Variants in POM121C observed in about 807,000 individuals in gnomAD.
POM121C encodes the protein POM121 transmembrane nucleoporin C.
In POM121C, 20 loss-of-function variants were observed where a neutral mutation model predicts 66.4. The observed-to-expected ratio is 0.30, with a 90% CI of 0.21 to 0.44. The LOEUF (loss-of-function observed/expected upper bound fraction) is 0.44, where lower values mean the gene tolerates loss of function less well. Among genes scored for constraint, POM121C ranks in the 20% least tolerant of loss-of-function variants. The pLI is 1.00. For missense variants in POM121C, 580 were observed against 1,225.7 expected (o/e 0.47, Z 7.87); for synonymous variants, 286 against 528.0 (o/e 0.54, Z 6.28).
intron 13 of POM121C, chr7:75,420,555 T>C (rs1322170481): frequency 3.3e-5 from 5 of 152,168 alleles, no homozygotes; most frequent in Non-Finnish European, 5.9e-5. Context: ...GATCACACTT[T>C]TTAATATGAT....
At position 75,438,088 on chromosome 7, in the gene POM121C, A is replaced by T. The variant is rs587606473; in HGVS notation, c.309-402T>A. Among the ~76,000 whole-genome samples the T allele has an allele frequency of 3.9e-5, 6 of 152,268 alleles. No homozygotes were observed. In the East Asian group the frequency reaches 1.2e-3, roughly 29 times the overall value. Reference sequence around the variant, plus strand: ...TCACATGCTTTAAACAAGTACAGTTATGTCAATTATACCTCAACAAAGCTG... The same window carrying T: ...TCACATGCTTTAAACAAGTACAGTTTTGTCAATTATACCTCAACAAAGCTG... On this transcript the variant is annotated intron_variant, in intron 6 of 14. Coordinates refer to ENST00000615331, the MANE Select transcript of POM121C (RefSeq NM_001099415.3).
At chr7:75,456,224 G>C (rs1264350011) in intron 3 of POM121C, among the ~76,000 whole-genome samples, 10 of 152,282 alleles carry the variant, frequency 6.6e-5, no homozygotes, top group Admixed American at 3.3e-4. Context: ...GGGTGACAGA[G>C]TACAACCCTG....
chr7:75,479,231 T>C (rs1348933711), intron 1 of POM121C, among the ~76,000 whole-genome samples: 4 of 152,162 alleles, frequency 2.6e-5, no homozygotes, highest in African/African-American at 9.7e-5. Flanking sequence ...AGAAGTAAAA[T>C]GACAGCAAAT....
At chr7:75,473,754 TCTCGGCTCAC>T (rs1382259683) in intron 3 of POM121C, among the ~76,000 whole-genome samples, 1 of 151,662 alleles carries the variant, frequency 6.6e-6, no homozygotes. Context: ...AGTGGCGGGA[TCTCGGCTCAC>T]TGCAAGCTCC....
intron 5 of POM121C, 117 bp downstream of exon 5, chr7:75,440,837 A>C (rs1369464455): frequency 8.5e-6 from 13 of 1,532,864 alleles, no homozygotes; most frequent in Non-Finnish European, 9.8e-6. Context: ...CCAAAGAAGG[A>C]GGCCTATGAA....
intron 3 of POM121C, among the ~76,000 whole-genome samples, chr7:75,468,184 A>G (rs1791743962): frequency 6.6e-6 from 1 of 151,388 alleles, no homozygotes. Flanking sequence ...GCAGAAACAC[A>G]AAATAAAACT....
At chr7:75,436,300 A>T (rs1393359052) in intron 7 of POM121C, among the ~76,000 whole-genome samples, 7 of 152,190 alleles carry the variant, frequency 4.6e-5, no homozygotes, top group Non-Finnish European at 1.0e-4. Context: ...CTTTTTGAAG[A>T]AACAACCAAC....
At position 75,438,018 on chromosome 7, in the gene POM121C, A is replaced by T. The variant is rs587671248; in HGVS notation, c.309-332T>A. Reference sequence around the variant, plus strand: ...CTTTTGGAGGTCATGGATGTTCATTATCTTAGTGGTGGGATGGTTCCACAG... The same window carrying T: ...CTTTTGGAGGTCATGGATGTTCATTTTCTTAGTGGTGGGATGGTTCCACAG... On this transcript the variant is annotated intron_variant, in intron 6 of 14. Transcript: ENST00000615331. 3.3e-5 allele frequency among the ~76,000 whole-genome samples: 5 copies of T among 152,302 alleles called. No individual in the cohort carries two copies. In the South Asian group the frequency reaches 1.0e-3, roughly 32 times the overall value.
At position 75,424,062 on chromosome 7, in the gene POM121C, C is replaced by T; in HGVS notation, c.1035G>A (p.Leu345=). The T allele has an allele frequency of 6.2e-7, 1 of 1,611,528 alleles. No individual in the cohort carries two copies. Among genetic ancestry groups the T allele is most frequent in the Non-Finnish European group, 8.5e-7 (1 of 1,179,612 alleles). ...SLKKMQTPPS[L]PPCPESAGAA... is the part of the protein sequence containing the mutation. ...ACTCCAGCTCACCTGGGCAGGGTGGCAGGCTCGGGGGAGTCTGCATCTTCT... is the reference window on the plus strand; with the variant it reads ...ACTCCAGCTCACCTGGGCAGGGTGGTAGGCTCGGGGGAGTCTGCATCTTCT... The change falls in exon 12 of 15, where the codon CTG becomes CTA. Residue 345 remains leucine (L), a synonymous_variant. Coordinates refer to ENST00000615331, the MANE Select transcript of POM121C (RefSeq NM_001099415.3).
intron 10 of POM121C, 113 bp from the exon 11 acceptor site, chr7:75,424,741 T>G: frequency 6.9e-7 from 1 of 1,444,548 alleles, no homozygotes; most frequent in East Asian, 2.3e-5. Context: ...GCTGGATCAC[T>G]TGAGGTCAGG....
chr7:75,430,808 G>A (rs1460360185), intron 7 of POM121C, among the ~76,000 whole-genome samples: 1 of 152,066 alleles, frequency 6.6e-6, no homozygotes, highest in Non-Finnish European at 1.5e-5. Context: ...CAGGCGCGGT[G>A]GCTCATGCCT....
chr7:75,424,775 A>G (rs1789869343), intron 10 of POM121C, 147 bp from the exon 11 acceptor site: 3 of 1,286,354 alleles, frequency 2.3e-6, no homozygotes, highest in African/African-American at 1.5e-5. Context: ...CCTGGCCAAC[A>G]TGGTGAAACC....
intron 3 of POM121C, among the ~76,000 whole-genome samples, chr7:75,456,231 C>T (rs1263408858): frequency 1.3e-5 from 2 of 152,146 alleles, no homozygotes; most frequent in African/African-American, 4.8e-5. Flanking sequence ...AGAGTACAAC[C>T]CTGCTCTTAA....
At chr7:75,464,490 TTGGGAGGCTGAGG>T (rs1791551460) in intron 3 of POM121C, among the ~76,000 whole-genome samples, 1 of 149,508 alleles carries the variant, frequency 6.7e-6, no homozygotes, top group African/African-American at 2.4e-5. Context: ...TCCCAGCCAC[TTGGGAGGCTGAGG>T]TGGGAGAATT....
rs1554473459 is a variant in POM121C, at chr7:75,439,148, G to T, written c.304C>A (p.Pro102Thr). 1.9e-6 allele frequency: 3 copies of T among 1,614,048 alleles called. No homozygotes were observed. Among genetic ancestry groups the T allele is most frequent in the Non-Finnish European group, 2.5e-6 (3 of 1,180,030 alleles). The change falls in exon 6 of 15, where the codon CCT becomes ACT. Residue 102 changes from proline to threonine, a missense_variant. By Grantham distance (38) the Pro-to-Thr change is conservative. Transcript: ENST00000615331. ...VASGVPASFV[P>T]KPGSLKRGLN... The stretch of plus-strand genomic sequence containing the variant: ...TCTGGATGGACTCGCACTTACTTAG[G>T]CACAAAAGAAGCGGGGACTCCACTG...
Position 75,439,933 on chromosome 7 carries a change from T to G in POM121C, c.228-709A>C, listed in dbSNP as rs1330568448. On this transcript the variant is annotated intron_variant, in intron 5 of 14. Transcript: ENST00000615331. ...TCTCGCTCTGTCACCCAGGCTAGAG[T>G]GCACTGGCATGGTCTCGGCTCGCTG... 1.0e-4 allele frequency among the ~76,000 whole-genome samples: 15 copies of G among 147,836 alleles called. 1 individual carries two copies. The East Asian group carries it at 3.1e-3, about 30-fold the overall frequency.
intron 3 of POM121C, among the ~76,000 whole-genome samples, chr7:75,449,423 G>A (rs1270095023): frequency 6.6e-6 from 1 of 150,410 alleles, no homozygotes; most frequent in African/African-American, 2.5e-5. Context: ...GGAGTGCAGT[G>A]GCACAATCTC....
At chr7:75,430,420 A>G (rs1790120887) in intron 7 of POM121C, among the ~76,000 whole-genome samples, 1 of 152,236 alleles carries the variant, frequency 6.6e-6, no homozygotes. Flanking sequence ...GGTCCTTTCA[A>G]TAAATGTTGC....
intron 3 of POM121C, among the ~76,000 whole-genome samples, chr7:75,456,667 A>G (rs1483603717): frequency 6.6e-6 from 1 of 152,290 alleles, no homozygotes; most frequent in Admixed American, 6.5e-5. Flanking sequence ...CACAATCAAC[A>G]TGCAAATGGG....
Sources: gnomAD v4.1 joint callset for allele counts (sites outside exome capture counted in the v4.1 genomes callset) on GRCh38, gnomAD v4.1.1 for gene constraint, MANE v1.5 for transcripts, NCBI Gene and HGNC (gene_info 2026-07-23, HGNC 2026-07-21) for gene names.